UVRAG: variants seen among roughly 807,000 people sequenced by gnomAD.
UVRAG encodes UV radiation resistance-associated gene protein.
Under a neutral mutation model 78.0 loss-of-function variants are expected in UVRAG, and 19 were observed. The observed-to-expected ratio is 0.24, with a 90% CI of 0.17 to 0.36. The LOEUF is 0.36. Ranked by LOEUF, UVRAG falls within the 10% of genes least tolerant of loss-of-function variation. The probability of loss-of-function intolerance (pLI) is 1.00; values close to 1 mark genes in which losing one functional copy is unlikely to be tolerated. For synonymous variants in UVRAG, 323 were observed against 324.6 expected (o/e 1.00, Z 0.05); for missense variants, 740 against 853.8 (o/e 0.87, Z 1.66).
intron 4 of UVRAG, among the ~76,000 whole-genome samples, chr11:75,880,710 A>G (rs1031375610): frequency 6.6e-6 from 1 of 151,860 alleles, no homozygotes; most frequent in Non-Finnish European, 1.5e-5. Flanking sequence ...ATGTGCCACC[A>G]TGCCCAGCTA....
rs2134525065 is a variant in UVRAG, at chr11:76,143,350, A to G, written c.*1937A>G. ...CAGCCTGGCGCTGGCACCACCAAGG[A>G]GCAGGACTCCTCATGATTACAGTGT... On this transcript the variant is annotated 3_prime_UTR_variant, in exon 15 of 15. Transcript: ENST00000356136. Among the ~76,000 whole-genome samples the G allele has an allele frequency of 6.6e-6, 1 of 152,284 alleles. No individual in the cohort carries two copies.
intron 12 of UVRAG, among the ~76,000 whole-genome samples, chr11:76,023,442 T>A (rs534568267): frequency 1.3e-5 from 2 of 152,088 alleles, no homozygotes; most frequent in African/African-American, 4.8e-5. Context: ...TGAACTGTAA[T>A]TTTTTTGCCC....
chr11:76,074,219 A>G (rs1280106698), intron 13 of UVRAG, among the ~76,000 whole-genome samples: 1 of 152,184 alleles, frequency 6.6e-6, no homozygotes, highest in East Asian at 1.9e-4. Context: ...TAAGAGTATA[A>G]AGGGATCTTG....
intron 5 of UVRAG, among the ~76,000 whole-genome samples, chr11:75,897,930 C>T (rs1160703653): frequency 7.5e-6 from 1 of 133,382 alleles, no homozygotes; most frequent in Non-Finnish European, 1.5e-5. Context: ...AGTGCAGTGG[C>T]GCGATCTCGG....
At chr11:76,091,889 G>T (rs1951705128) in intron 13 of UVRAG, among the ~76,000 whole-genome samples, 1 of 151,766 alleles carries the variant, frequency 6.6e-6, no homozygotes, top group Non-Finnish European at 1.5e-5. Context: ...CAACGTGCAG[G>T]TTTGTTACAT....
chr11:75,980,944 G>A (rs189918544), intron 7 of UVRAG, among the ~76,000 whole-genome samples: 17 of 152,002 alleles, frequency 1.1e-4, no homozygotes, highest in African/African-American at 3.1e-4. Flanking sequence ...GTCTCCCAAA[G>A]TGCTGGGATT....
At chr11:76,090,320 A>T (rs756999299) in intron 13 of UVRAG, among the ~76,000 whole-genome samples, 3 of 152,278 alleles carry the variant, frequency 2.0e-5, no homozygotes, top group Non-Finnish European at 2.9e-5. Context: ...GACTGTATAC[A>T]TATTAGCCTA....
intron 7 of UVRAG, among the ~76,000 whole-genome samples, chr11:75,967,165 TTTATCCATAGTCTATATTTG>T (rs1169206835): frequency 6.6e-6 from 1 of 152,210 alleles, no homozygotes; most frequent in African/African-American, 2.4e-5. Flanking sequence ...ATTTTTGTAT[TTTATCCATAGTCTATATTTG>T]TTATCCATAG....
Position 76,100,051 on chromosome 11 carries a change from C to T in UVRAG, c.1306-15873C>T, listed in dbSNP as rs375429981. Among the ~76,000 whole-genome samples the T allele has an allele frequency of 4.6e-5, 7 of 152,122 alleles. No individual in the cohort carries two copies. In the East Asian group the frequency reaches 5.8e-4, roughly 13 times the overall value. ...AAATGGATTATTATATATAATGTTA[C>T]GCATTCCCAATTTGATAAACAAAAT... On this transcript the variant is annotated intron_variant, in intron 13 of 14. Transcript: ENST00000356136.
chr11:76,109,996 A>G (rs1054124464), intron 13 of UVRAG, among the ~76,000 whole-genome samples: 2 of 152,106 alleles, frequency 1.3e-5, no homozygotes, highest in African/African-American at 4.8e-5. Context: ...TCTGGAGTGC[A>G]TGCAGTCAGA....
At chr11:75,958,084 A>G (rs73493963) in intron 6 of UVRAG, among the ~76,000 whole-genome samples, 117 of 152,352 alleles carry the variant, frequency 7.7e-4, no homozygotes, top group African/African-American at 2.5e-3. Context: ...GCTAACGATC[A>G]TCTGAACCTT....
intron 2 of UVRAG, among the ~76,000 whole-genome samples, chr11:75,859,235 C>T (rs975657410): frequency 3.9e-5 from 6 of 151,906 alleles, no homozygotes; most frequent in African/African-American, 1.2e-4. Flanking sequence ...ATTAGCCGGG[C>T]GGTGGTGGTG....
intron 8 of UVRAG, among the ~76,000 whole-genome samples, chr11:75,993,872 C>T (rs898211859): frequency 2.0e-5 from 3 of 152,046 alleles, no homozygotes; most frequent in African/African-American, 7.2e-5. Context: ...GAAGGTGAAG[C>T]CAGTACAGGC....
In UVRAG at chr11:76,058,253, G is replaced by A. The variant is rs950748873; in HGVS notation, c.1227-7457G>A. The stretch of plus-strand genomic sequence containing the variant: ...GTCTTTTAAAATGAGTTTTAGGTCC[G>A]GGCATGGTCACTCATGCCTGTAATC... On this transcript the variant is annotated intron_variant, in intron 12 of 14. Coordinates refer to ENST00000356136, the MANE Select transcript of UVRAG (RefSeq NM_003369.4). Among the ~76,000 whole-genome samples, 4 of 152,038 alleles carry A rather than the reference G, an allele frequency of 2.6e-5. No homozygotes were observed. In the South Asian group the frequency reaches 6.2e-4, roughly 24 times the overall value.
intron 12 of UVRAG, among the ~76,000 whole-genome samples, chr11:76,037,189 T>C (rs1209745374): frequency 6.6e-6 from 1 of 152,140 alleles, no homozygotes; most frequent in Non-Finnish European, 1.5e-5. Flanking sequence ...TCTTTCATAC[T>C]AAGTTGCCAC....
chr11:76,064,078 C>G (rs1484030224), intron 12 of UVRAG, among the ~76,000 whole-genome samples: 1 of 152,208 alleles, frequency 6.6e-6, no homozygotes, highest in Non-Finnish European at 1.5e-5. Context: ...ATAAGTCCCA[C>G]TGAAGTCATA....
At chr11:76,108,699 G>A (rs1952016281) in intron 13 of UVRAG, among the ~76,000 whole-genome samples, 1 of 152,210 alleles carries the variant, frequency 6.6e-6, no homozygotes, top group Non-Finnish European at 1.5e-5. Context: ...GTCTGTTGTG[G>A]TCTGAATGTA....
chr11:75,990,720 C>G (rs1394455252), intron 8 of UVRAG, among the ~76,000 whole-genome samples: 1 of 152,196 alleles, frequency 6.6e-6, no homozygotes, highest in African/African-American at 2.4e-5. Flanking sequence ...CCTCCCACCC[C>G]TAGGTTAAAT....
chr11:76,112,067 G>A (rs889522380), intron 13 of UVRAG, among the ~76,000 whole-genome samples: 17 of 152,016 alleles, frequency 1.1e-4, no homozygotes, highest in African/African-American at 4.1e-4. Context: ...TTGAAAGGAT[G>A]TACTAAGTGC....
Sources: allele counts gnomAD v4.1 joint callset (sites outside exome capture counted in the v4.1 genomes callset), GRCh38; gene constraint gnomAD v4.1.1; transcripts MANE v1.5; gene names NCBI Gene and HGNC (gene_info 2026-07-23, HGNC 2026-07-21).